Variants in MACROD1 observed in about 807,000 individuals in gnomAD.
MACROD1 encodes mono-ADP ribosylhydrolase 1, also known as ADP-ribose glycohydrolase MACROD1.
Under a neutral mutation model 41.4 loss-of-function variants are expected in MACROD1, and 31 were observed. The observed-to-expected ratio is 0.75, with a 90% CI of 0.56 to 1.01. The LOEUF is 1.01. Ranked by LOEUF, MACROD1 falls within the 50% of genes least tolerant of loss-of-function variation. MACROD1 has a pLI of 0.00. For synonymous variants in MACROD1, 252 were observed against 203.4 expected, an observed-to-expected ratio of 1.24 and a Z score of -2.03; for missense variants, 473 against 460.0, an observed-to-expected ratio of 1.03 and a Z score of -0.26.
chr11:64,051,376 G>C (rs945645119), intron 3 of MACROD1, among the ~76,000 whole-genome samples: 2 of 152,198 alleles, frequency 1.3e-5, no homozygotes, highest in African/African-American at 2.4e-5. Context: ...GAGCTAGAGA[G>C]GCAGCAGGGA....
At chr11:64,152,482 G>T in intron 1 of MACROD1, 89 bp from the exon 2 acceptor site, 2 of 1,035,038 alleles carry the variant, frequency 1.9e-6, no homozygotes, top group Non-Finnish European at 3.0e-6. Context: ...CCTCATCCAA[G>T]AATGCAAACC....
intron 3 of MACROD1, among the ~76,000 whole-genome samples, chr11:64,114,492 GATGGATGGATGGATGA>G (rs1944936213): frequency 6.6e-6 from 1 of 150,940 alleles, no homozygotes; most frequent in African/African-American, 2.4e-5. Context: ...TGGTTGAATG[GATGGATGGATGGATGA>G]ATGGATGGAT....
intron 3 of MACROD1, among the ~76,000 whole-genome samples, chr11:64,065,897 G>A (rs1446704453): frequency 6.6e-6 from 1 of 152,176 alleles, no homozygotes; most frequent in Admixed American, 6.5e-5. Context: ...CAGAGTGGTT[G>A]GCAGGGAGAA....
intron 3 of MACROD1, among the ~76,000 whole-genome samples, chr11:64,102,394 A>G (rs1017181425): frequency 3.9e-5 from 6 of 152,168 alleles, no homozygotes; most frequent in Admixed American, 3.3e-4. Flanking sequence ...GGTGGGCACC[A>G]GACAGAGGCC....
chr11:64,125,416 A>G (rs923126810), intron 3 of MACROD1, among the ~76,000 whole-genome samples: 4 of 152,180 alleles, frequency 2.6e-5, no homozygotes, highest in South Asian at 2.1e-4. Context: ...AGTGCCTGGC[A>G]CACAGGGGTA....
rs146872999 is a variant in MACROD1 at position 64,159,263 on chromosome 11, G to A, written c.298+6434C>T. Among the ~76,000 whole-genome samples the A allele has an allele frequency of 2.4e-3, 354 of 150,190 alleles. 5 individuals carry two copies. In the East Asian group the frequency reaches 0.058, roughly 25 times the overall value. ...GAACCCAGAAGGCGGAGGTTGCAGC[G>A]AGCCGAGATTGCACCAGTGCACTCC... On this transcript the variant is annotated intron_variant, in intron 1 of 10. Transcript: ENST00000255681.
At chr11:64,061,108 CTT>C (rs1451001245) in intron 3 of MACROD1, among the ~76,000 whole-genome samples, 1 of 152,174 alleles carries the variant, frequency 6.6e-6, no homozygotes, top group Non-Finnish European at 1.5e-5. Context: ...GCTGGAAGGA[CTT>C]TGGTAATTAT....
chr11:64,011,063 G>A (rs1261956160), intron 4 of MACROD1, among the ~76,000 whole-genome samples: 8 of 149,746 alleles, frequency 5.3e-5, no homozygotes, highest in African/African-American at 2.0e-4. Context: ...CTGGCATGTT[G>A]GTTGGGGTGT....
chr11:64,071,468 G>GAGGCCA (rs1238228960), intron 3 of MACROD1, among the ~76,000 whole-genome samples: 1 of 152,194 alleles, frequency 6.6e-6, no homozygotes, highest in East Asian at 1.9e-4. Flanking sequence ...GGGCTGGGCT[G>GAGGCCA]AGGCCAAGGA....
chr11:64,072,442 A>G (rs1274893788), intron 3 of MACROD1, among the ~76,000 whole-genome samples: 2 of 151,466 alleles, frequency 1.3e-5, no homozygotes, highest in African/African-American at 2.4e-5. Flanking sequence ...AAAAATAATA[A>G]TTACATAACA....
At chr11:64,131,453 AGTAGCTGCGT>A (rs1945264808) in intron 3 of MACROD1, among the ~76,000 whole-genome samples, 1 of 152,204 alleles carries the variant, frequency 6.6e-6, no homozygotes, top group South Asian at 2.1e-4. Flanking sequence ...CAGCCTCCCA[AGTAGCTGCGT>A]GTACAGGCGT....
At chr11:64,164,105 T>C (rs1025689137) in intron 1 of MACROD1, among the ~76,000 whole-genome samples, 14 of 152,344 alleles carry the variant, frequency 9.2e-5, no homozygotes, top group African/African-American at 2.6e-4. Context: ...TTCTTTACAA[T>C]AGATGCTTTG....
intron 3 of MACROD1, among the ~76,000 whole-genome samples, chr11:64,061,507 C>G (rs1000522199): frequency 7.2e-5 from 11 of 152,192 alleles, no homozygotes; most frequent in Admixed American, 2.0e-4. Flanking sequence ...GGCAGCTCCT[C>G]CCCGGCTCTG....
intron 3 of MACROD1, among the ~76,000 whole-genome samples, chr11:64,044,820 T>C (rs1277069693): frequency 6.6e-6 from 1 of 152,182 alleles, no homozygotes; most frequent in Non-Finnish European, 1.5e-5. Context: ...ACCTCTGAGC[T>C]GTCTCCTGTG....
intron 3 of MACROD1, among the ~76,000 whole-genome samples, chr11:64,083,948 G>A (rs1394934795): frequency 6.6e-6 from 1 of 152,206 alleles, no homozygotes; most frequent in Non-Finnish European, 1.5e-5. Context: ...GCAGCCCGGC[G>A]CTGCTGTGGG....
chr11:64,015,119 G>A (rs1338431568), intron 4 of MACROD1, 133 bp downstream of exon 4: 1 of 979,348 alleles, frequency 1.0e-6, no homozygotes, highest in African/African-American at 1.7e-5. Context: ...CTGGGGAAGG[G>A]AGGCACCCTG....
chr11:64,005,809 C>T (rs1942901393), intron 4 of MACROD1, among the ~76,000 whole-genome samples: 1 of 152,206 alleles, frequency 6.6e-6, no homozygotes, highest in Admixed American at 6.5e-5. Flanking sequence ...CCTGAGAAGG[C>T]AGGCAGGAGG....
chr11:64,155,703 T>C (rs1487599829), intron 1 of MACROD1, among the ~76,000 whole-genome samples: 1 of 152,160 alleles, frequency 6.6e-6, no homozygotes, highest in Admixed American at 6.5e-5. Flanking sequence ...TTTCTAATTA[T>C]TTGGGTCCCC....
chr11:64,059,974 G>A (rs541355136), intron 3 of MACROD1, among the ~76,000 whole-genome samples: 43 of 152,294 alleles, frequency 2.8e-4, no homozygotes, highest in African/African-American at 9.4e-4. Context: ...GCACCCTGTG[G>A]TACTGAGGGC....
Sources: gnomAD v4.1 joint callset for allele counts (sites outside exome capture counted in the v4.1 genomes callset) on GRCh38, gnomAD v4.1.1 for gene constraint, MANE v1.5 for transcripts, NCBI Gene and HGNC (gene_info 2026-07-23, HGNC 2026-07-21) for gene names.